The following SLC18A1 variants were observed in gnomAD, a reference collection of about 807,000 sequenced individuals.
The protein encoded by SLC18A1 is solute carrier family 18 member A1.
SLC18A1 carries 69 observed loss-of-function variants against 53.7 expected under a neutral mutation model. That is an observed-to-expected ratio of 1.28 (90% confidence interval 1.06 to 1.57). The LOEUF (loss-of-function observed/expected upper bound fraction) is 1.57. Among genes scored for constraint, SLC18A1 ranks in the 40% most tolerant of loss-of-function variants. The probability of loss-of-function intolerance (pLI) is 0.00; values close to 1 mark genes in which losing one functional copy is unlikely to be tolerated. For synonymous variants in SLC18A1, 320 were observed against 248.1 expected, an observed-to-expected ratio of 1.29 and a Z score of -2.72; for missense variants, 932 against 668.1, an observed-to-expected ratio of 1.40 and a Z score of -4.35.
At chr8:20,166,548 T>C (rs906488410) in intron 8 of SLC18A1, among the ~76,000 whole-genome samples, 2 of 151,304 alleles carry the variant, frequency 1.3e-5, no homozygotes, top group East Asian at 1.9e-4. Context: ...GGCATTAAAA[T>C]TGGTTACCTA....
intron 10 of SLC18A1, among the ~76,000 whole-genome samples, chr8:20,160,162 G>A (rs567655911): frequency 1.3e-5 from 2 of 150,088 alleles, no homozygotes; most frequent in African/African-American, 5.0e-5. Context: ...TATTTGTGTA[G>A]GCTATCCTGG....
chr8:20,178,630 G>T, intron 3 of SLC18A1, 137 bp from the exon 4 acceptor site: 1 of 668,164 alleles, frequency 1.5e-6, no homozygotes, highest in Non-Finnish European at 2.6e-6. Context: ...ATGTAGTGTG[G>T]AGATGAAATA....
chr8:20,162,087 A>T (rs2071844797), intron 10 of SLC18A1, among the ~76,000 whole-genome samples: 1 of 152,188 alleles, frequency 6.6e-6, no homozygotes, highest in Non-Finnish European at 1.5e-5. Flanking sequence ...GCCAGGCCAC[A>T]TCTGGGCCCA....
intron 10 of SLC18A1, among the ~76,000 whole-genome samples, chr8:20,160,756 G>A (rs534940378): frequency 6.6e-6 from 1 of 152,212 alleles, no homozygotes; most frequent in Non-Finnish European, 1.5e-5. Flanking sequence ...AGATGTATTT[G>A]GATCACAATG....
At chr8:20,161,369 C>G (rs1049014789) in intron 10 of SLC18A1, among the ~76,000 whole-genome samples, 2 of 151,988 alleles carry the variant, frequency 1.3e-5, no homozygotes, top group Non-Finnish European at 2.9e-5. Flanking sequence ...ATAAAAATAA[C>G]AGTACAAGAT....
At chr8:20,168,709 CG>C (rs573655020) in intron 8 of SLC18A1, among the ~76,000 whole-genome samples, 2 of 152,256 alleles carry the variant, frequency 1.3e-5, no homozygotes, top group African/African-American at 4.8e-5. Flanking sequence ...GCTGGGATTA[CG>C]GTGTGCACCA....
intron 2 of SLC18A1, 44 bp downstream of exon 2, chr8:20,180,797 G>A: frequency 1.2e-6 from 2 of 1,609,920 alleles, no homozygotes; most frequent in African/African-American, 1.3e-5. Context: ...GCCTGCTGGG[G>A]CCCACAGCAA....
At chr8:20,174,105 T>A (rs1447732800) in intron 5 of SLC18A1, among the ~76,000 whole-genome samples, 1 of 151,986 alleles carries the variant, frequency 6.6e-6, no homozygotes, top group African/African-American at 2.4e-5. Flanking sequence ...GCTCTCACTA[T>A]GTTGCCCAGG....
intron 10 of SLC18A1, among the ~76,000 whole-genome samples, chr8:20,153,507 C>T (rs923564018): frequency 6.6e-6 from 1 of 152,082 alleles, no homozygotes; most frequent in Non-Finnish European, 1.5e-5. Flanking sequence ...GAAACCCCAT[C>T]TCTACTAAAA....
chr8:20,156,842 C>A (rs992652678), intron 10 of SLC18A1, among the ~76,000 whole-genome samples: 1 of 152,232 alleles, frequency 6.6e-6, no homozygotes, highest in Non-Finnish European at 1.5e-5. Context: ...TACCTACACC[C>A]TCTCTGAAAT....
intron 8 of SLC18A1, among the ~76,000 whole-genome samples, chr8:20,167,944 A>T (rs973922540): frequency 1.3e-5 from 2 of 151,980 alleles, no homozygotes; most frequent in African/African-American, 4.8e-5. Context: ...TCTAAACACC[A>T]TTCCCTACTA....
intron 10 of SLC18A1, among the ~76,000 whole-genome samples, chr8:20,162,284 T>C (rs1004034213): frequency 6.6e-6 from 1 of 152,162 alleles, no homozygotes; most frequent in Admixed American, 6.5e-5. Context: ...TGCCTTTGGG[T>C]CTTTCTCCCA....
chr8:20,148,523 G>GA (rs1411617026), intron 12 of SLC18A1: 1 of 1,261,692 alleles, frequency 7.9e-7, no homozygotes, highest in African/African-American at 1.5e-5. Context: ...GTAGCTGTTG[G>GA]AAAAAGAAGA....
chr8:20,178,782 C>T (rs1308184722), intron 3 of SLC18A1, among the ~76,000 whole-genome samples: 1 of 152,134 alleles, frequency 6.6e-6, no homozygotes, highest in African/African-American at 2.4e-5. Flanking sequence ...AATACAACTC[C>T]TGGGAAGCCA....
intron 5 of SLC18A1, 32 bp downstream of exon 5, chr8:20,174,329 T>C: frequency 3.5e-6 from 5 of 1,445,478 alleles, no homozygotes; most frequent in Non-Finnish European, 4.9e-6. Flanking sequence ...CATGCCTGCA[T>C]GTGTGTGTGC....
At chr8:20,150,612 G>T in intron 11 of SLC18A1, 54 bp downstream of exon 11, 2 of 1,435,334 alleles carry the variant, frequency 1.4e-6, no homozygotes. Flanking sequence ...TCAGGAACGG[G>T]CGCTCTTCCA....
At chr8:20,167,192 T>A (rs369388188) in intron 8 of SLC18A1, among the ~76,000 whole-genome samples, 1 of 150,306 alleles carries the variant, frequency 6.7e-6, no homozygotes. Flanking sequence ...ATGCATTACA[T>A]AATCACACTA....
intron 12 of SLC18A1, chr8:20,148,273 T>A: frequency 1.6e-6 from 1 of 615,986 alleles, no homozygotes; most frequent in Non-Finnish European, 2.8e-6. Context: ...CGCTGTTGTG[T>A]TTATTTATTG....
At chr8:20,177,474 C>A (rs1279228340) in intron 4 of SLC18A1, among the ~76,000 whole-genome samples, 1 of 152,144 alleles carries the variant, frequency 6.6e-6, no homozygotes, top group African/African-American at 2.4e-5. Flanking sequence ...GAACTTCACA[C>A]ACCGGGGCCT....
Sources: gnomAD v4.1 joint callset for allele counts (sites outside exome capture counted in the v4.1 genomes callset) on GRCh38, gnomAD v4.1.1 for gene constraint, MANE v1.5 for transcripts, NCBI Gene and HGNC (gene_info 2026-07-23, HGNC 2026-07-21) for gene names.